SAMTOR: variants seen among roughly 807,000 people sequenced by gnomAD.
SAMTOR encodes UPF0532 protein C7orf60.
chr7:112,927,526 C>A, the SAMTOR span, among the ~76,000 whole-genome samples: 2 of 151,900 alleles, frequency 1.3e-5, no homozygotes, highest in African/African-American at 4.8e-5. Context: ...ATTAATAACC[C>A]ATTTTCTTAC....
chr7:112,838,046 C>T, the SAMTOR span, among the ~76,000 whole-genome samples: 1 of 151,850 alleles, frequency 6.6e-6, no homozygotes, highest in Admixed American at 6.6e-5. Flanking sequence ...AAAGCAAAGA[C>T]ATCAACAAAA....
the SAMTOR span, among the ~76,000 whole-genome samples, chr7:112,905,268 G>A: frequency 6.6e-6 from 1 of 152,072 alleles, no homozygotes; most frequent in Admixed American, 6.5e-5. Flanking sequence ...GCCCTGCATG[G>A]TGCAGTATGT....
chr7:112,907,985 A>C, the SAMTOR span, among the ~76,000 whole-genome samples: 1 of 152,136 alleles, frequency 6.6e-6, no homozygotes, highest in African/African-American at 2.4e-5. Context: ...CACACCTAGG[A>C]ATCTACAAAT....
chr7:112,911,307 C>G, the SAMTOR span, among the ~76,000 whole-genome samples: 1 of 152,100 alleles, frequency 6.6e-6, no homozygotes, highest in African/African-American at 2.4e-5. Flanking sequence ...CTGTAATACT[C>G]ACAGAACAGG....
At chr7:112,919,010 C>A in the SAMTOR span, among the ~76,000 whole-genome samples, 1 of 152,186 alleles carries the variant, frequency 6.6e-6, no homozygotes, top group Non-Finnish European at 1.5e-5. Context: ...GAGACTTTAA[C>A]ACCCCACTGT....
the SAMTOR span, among the ~76,000 whole-genome samples, chr7:112,861,885 T>C: frequency 2.0e-4 from 31 of 152,362 alleles, no homozygotes; most frequent in Non-Finnish European, 3.4e-4. Flanking sequence ...TCATCCATAA[T>C]GTTTTCATCT....
chr7:112,836,185 G>A, the SAMTOR span, among the ~76,000 whole-genome samples: 2 of 151,886 alleles, frequency 1.3e-5, no homozygotes, highest in African/African-American at 2.4e-5. Context: ...CCATTCTGAT[G>A]CCTGTGAGAT....
the SAMTOR span, among the ~76,000 whole-genome samples, chr7:112,849,100 C>T: frequency 3.3e-5 from 5 of 150,730 alleles, no homozygotes. Context: ...TTTTCCCCTA[C>T]CCTTAACATT....
the SAMTOR span, among the ~76,000 whole-genome samples, chr7:112,873,987 A>G: frequency 2.6e-5 from 4 of 152,218 alleles, no homozygotes; most frequent in Non-Finnish European, 4.4e-5. Context: ...AATGCAAATC[A>G]AAACCACAAT....
chr7:112,852,230 A>C, the SAMTOR span, among the ~76,000 whole-genome samples: 1 of 152,228 alleles, frequency 6.6e-6, no homozygotes, highest in Non-Finnish European at 1.5e-5. Context: ...GGCTAAATAC[A>C]GAAAATGTGG....
At chr7:112,877,981 T>C in the SAMTOR span, among the ~76,000 whole-genome samples, 1 of 152,160 alleles carries the variant, frequency 6.6e-6, no homozygotes, top group Non-Finnish European at 1.5e-5. Flanking sequence ...TTAAACCTCT[T>C]TTCTTGTAAA....
the SAMTOR span, chr7:112,821,592 A>ATTTATTCTTATATAGAAAGCTTAAAG: frequency 1.5e-6 from 1 of 666,456 alleles, no homozygotes; most frequent in Non-Finnish European, 2.4e-6. Flanking sequence ...AAATTTTAAA[A>ATTTATTCTTATATAGAAAGCTTAAAG]TTGAGAAGTA....
chr7:112,909,118 C>T, the SAMTOR span, among the ~76,000 whole-genome samples: 1 of 152,314 alleles, frequency 6.6e-6, no homozygotes, highest in East Asian at 1.9e-4. Flanking sequence ...AATCCTCTTG[C>T]TTTTAATGTC....
At chr7:112,916,636 G>A in the SAMTOR span, among the ~76,000 whole-genome samples, 12 of 152,268 alleles carry the variant, frequency 7.9e-5, no homozygotes, top group South Asian at 4.1e-4. Flanking sequence ...GAAGTGGGGC[G>A]AGGCACTGCC....
At chr7:112,857,079 CT>C in the SAMTOR span, among the ~76,000 whole-genome samples, 1,218 of 105,782 alleles carry the variant, frequency 0.012, 4 homozygotes, top group African/African-American at 0.037. Flanking sequence ...TTCTTTTAAT[CT>C]TTTTTTTTTT....
At chr7:112,900,891 A>G in the SAMTOR span, among the ~76,000 whole-genome samples, 1 of 152,248 alleles carries the variant, frequency 6.6e-6, no homozygotes, top group South Asian at 2.1e-4. Context: ...GACAAAAATT[A>G]TCTTGAAATG....
the SAMTOR span, among the ~76,000 whole-genome samples, chr7:112,875,293 C>T: frequency 1.3e-5 from 2 of 152,086 alleles, no homozygotes; most frequent in African/African-American, 2.4e-5. Context: ...ATCAAACCCA[C>T]GGGTTGTGTG....
At chr7:112,917,605 T>C in the SAMTOR span, among the ~76,000 whole-genome samples, 2 of 152,204 alleles carry the variant, frequency 1.3e-5, no homozygotes, top group Admixed American at 6.5e-5. Context: ...AGAGAATGAC[T>C]TTGACAAGCT....
At chr7:112,834,704 T>C in the SAMTOR span, among the ~76,000 whole-genome samples, 1 of 152,174 alleles carries the variant, frequency 6.6e-6, no homozygotes, top group East Asian at 1.9e-4. Context: ...ACAATTCACA[T>C]AGGCATGGCT....
Sources: gnomAD v4.1 joint callset for allele counts (sites outside exome capture counted in the v4.1 genomes callset) on GRCh38, gnomAD v4.1.1 for gene constraint, MANE v1.5 for transcripts, NCBI Gene and HGNC (gene_info 2026-07-23, HGNC 2026-07-21) for gene names.